Variants in CSNK1G1 observed in about 807,000 individuals in gnomAD.
CSNK1G1 encodes the protein casein kinase 1 gamma 1.
A neutral mutation model predicts 59.6 loss-of-function variants in CSNK1G1; 22 were observed. That is an observed-to-expected ratio of 0.37 (90% CI 0.26 to 0.53). The LOEUF (loss-of-function observed/expected upper bound fraction) is 0.53, where lower values mean the gene tolerates loss of function less well. Among genes scored for constraint, CSNK1G1 ranks in the 20% least tolerant of loss-of-function variants. The pLI is 0.89. For missense variants in CSNK1G1, 384 were observed against 519.5 expected (o/e 0.74, Z 2.54); for synonymous variants, 179 against 177.1 (o/e 1.01, Z -0.08).
At chr15:64,314,705 C>T (rs528732129) in intron 1 of CSNK1G1, among the ~76,000 whole-genome samples, 1 of 152,252 alleles carries the variant, frequency 6.6e-6, no homozygotes, top group South Asian at 2.1e-4. Context: ...TTAGATTCCA[C>T]ACATAAGTAA....
At chr15:64,277,263 G>C (rs1893683012) in intron 2 of CSNK1G1, among the ~76,000 whole-genome samples, 1 of 152,022 alleles carries the variant, frequency 6.6e-6, no homozygotes, top group Non-Finnish European at 1.5e-5. Flanking sequence ...CCAGGGGTTT[G>C]AGATCAGCCT....
At chr15:64,304,062 G>T (rs1293907309) in intron 1 of CSNK1G1, among the ~76,000 whole-genome samples, 2 of 152,058 alleles carry the variant, frequency 1.3e-5, no homozygotes, top group African/African-American at 4.8e-5. Context: ...TCTAATCTAT[G>T]CATGGGACAT....
intron 1 of CSNK1G1, among the ~76,000 whole-genome samples, chr15:64,327,735 G>A (rs1338917869): frequency 2.0e-5 from 3 of 148,968 alleles, no homozygotes; most frequent in South Asian, 4.3e-4. Flanking sequence ...TGAGCTACGG[G>A]AGGACATTCA....
chr15:64,275,362 T>C (rs1455299960), intron 2 of CSNK1G1, among the ~76,000 whole-genome samples: 1 of 152,088 alleles, frequency 6.6e-6, no homozygotes, highest in African/African-American at 2.4e-5. Context: ...GTGAGCAGTA[T>C]GATTAGGGGT....
rs2082151348 is a variant in CSNK1G1 at position 64,204,471 on chromosome 15, G to C, written c.969C>G (p.Asp323Glu). 1 of 1,608,524 alleles carries C rather than the reference G, an allele frequency of 6.2e-7. No homozygotes were observed. The highest frequency in any genetic ancestry group is 8.5e-7 in the Non-Finnish European group (1 of 1,177,690). The change falls in exon 9 of 12, where the codon GAC (aspartate) becomes GAG (glutamate). Residue 323 changes from aspartate to glutamate, a missense_variant. Asp to Glu is a conservative substitution (Grantham distance 45, BLOSUM62 2). This residue lies in a region of CSNK1G1 where 325 missense variants were observed against 440.9 expected (regional missense o/e 0.74). Coordinates refer to ENST00000303052, the MANE Select transcript of CSNK1G1 (RefSeq NM_022048.5). The stretch of plus-strand genomic sequence containing the variant: ...GTCTCCCAACCCAATCATAGGCATA[G>C]TCAAAGGTGTAGCCTTTCTTTTCAA... ...DLFEKKGYTF[D>E]YAYDWVGRPI...
At chr15:64,229,618 A>G (rs1472757076) in intron 4 of CSNK1G1, among the ~76,000 whole-genome samples, 1 of 151,978 alleles carries the variant, frequency 6.6e-6, no homozygotes, top group South Asian at 2.1e-4. Flanking sequence ...GAGAAAGCCT[A>G]TTTGAGAATG....
At chr15:64,184,751 G>A (rs2081867785) in intron 10 of CSNK1G1, among the ~76,000 whole-genome samples, 1 of 150,548 alleles carries the variant, frequency 6.6e-6, no homozygotes, top group African/African-American at 2.4e-5. Context: ...AAAATTAATC[G>A]CTCATTACTC....
chr15:64,280,333 A>T (rs1490263278), intron 2 of CSNK1G1, among the ~76,000 whole-genome samples: 1 of 151,848 alleles, frequency 6.6e-6, no homozygotes, highest in Non-Finnish European at 1.5e-5. Flanking sequence ...ATCGTCACTG[A>T]CCACCCAGGA....
intron 10 of CSNK1G1, among the ~76,000 whole-genome samples, chr15:64,201,268 T>C (rs1335556573): frequency 6.7e-5 from 7 of 105,042 alleles, no homozygotes; most frequent in African/African-American, 2.9e-4. Flanking sequence ...CAAGACACTG[T>C]CTCAAAAAAA....
intron 11 of CSNK1G1, among the ~76,000 whole-genome samples, chr15:64,172,678 C>A (rs971086229): frequency 1.3e-5 from 2 of 152,182 alleles, no homozygotes; most frequent in Non-Finnish European, 2.9e-5. Flanking sequence ...TCTCACTCCC[C>A]AGTTTAGGGA....
intron 1 of CSNK1G1, among the ~76,000 whole-genome samples, chr15:64,334,169 ACCACGC>A (rs1482457201): frequency 6.6e-6 from 1 of 152,200 alleles, no homozygotes; most frequent in Non-Finnish European, 1.5e-5. Context: ...TGCACTGACC[ACCACGC>A]CCAGCTAATT....
intron 2 of CSNK1G1, among the ~76,000 whole-genome samples, chr15:64,293,547 T>C (rs574128231): frequency 1.3e-5 from 2 of 152,270 alleles, no homozygotes; most frequent in South Asian, 2.1e-4. Context: ...TGTAACAAAA[T>C]TGCAAACGTA....
chr15:64,310,876 A>G (rs1317736877), intron 1 of CSNK1G1, among the ~76,000 whole-genome samples: 5 of 151,306 alleles, frequency 3.3e-5, no homozygotes, highest in African/African-American at 4.8e-5. Flanking sequence ...GTGGTGGCGC[A>G]TGCCTGTAAT....
In CSNK1G1 at chr15:64,182,053, G is replaced by GTTTTTTTTTTT. The variant is rs71447372; in HGVS notation, c.1108-1610_1108-1600dup. 4.0e-4 allele frequency: 33 copies of GTTTTTTTTTTT among 83,234 alleles called. 5 individuals carry two copies. Among genetic ancestry groups the GTTTTTTTTTTT allele is most frequent in the African/African-American group, 1.6e-3 (29 of 18,368 alleles). The allele number at this position is 83,234 out of a possible 1,614,324, so 5.2% of individuals were successfully genotyped here. A position where few individuals can be genotyped will look rare whatever the true frequency, so the allele number is the denominator to read the frequency against. On this transcript the variant is annotated intron_variant, in intron 10 of 11. Coordinates refer to ENST00000303052, the MANE Select transcript of CSNK1G1 (RefSeq NM_022048.5). ...TAATTATTGTTCTCATTAGTAACCCGTTTTTTTTTTTTTTTTTTTTTTTTT... is the reference window on the plus strand; with the variant it reads ...TAATTATTGTTCTCATTAGTAACCCGTTTTTTTTTTTTTTTTTTTTTTTTTTTTTTTTTTTT...
chr15:64,306,331 T>G (rs528187457), intron 1 of CSNK1G1, among the ~76,000 whole-genome samples: 1 of 152,218 alleles, frequency 6.6e-6, no homozygotes, highest in East Asian at 1.9e-4. Context: ...AGCAAAATAT[T>G]TGAATCAGAC....
At chr15:64,288,462 T>C (rs1894547822) in intron 2 of CSNK1G1, among the ~76,000 whole-genome samples, 1 of 152,134 alleles carries the variant, frequency 6.6e-6, no homozygotes, top group Non-Finnish European at 1.5e-5. Context: ...ACCACTTGCC[T>C]ATAGGATTCA....
intron 4 of CSNK1G1, among the ~76,000 whole-genome samples, chr15:64,250,086 T>C (rs527962427): frequency 2.2e-4 from 33 of 152,182 alleles, no homozygotes; most frequent in Non-Finnish European, 3.7e-4. Context: ...CTAGAATAAC[T>C]TAACAACATT....
Position 64,211,753 on chromosome 15 carries a change from T to C in CSNK1G1, c.679+2137A>G, listed in dbSNP as rs191694403. On this transcript the variant is annotated intron_variant, in intron 6 of 11. Coordinates refer to ENST00000303052, the MANE Select transcript of CSNK1G1 (RefSeq NM_022048.5). Reference sequence around the variant, plus strand: ...AGAAGGTTATTGGATCAAAATTACATAGCTATTAAGAAAGAGCGCCAGGAT... The same window carrying C: ...AGAAGGTTATTGGATCAAAATTACACAGCTATTAAGAAAGAGCGCCAGGAT... Among the ~76,000 whole-genome samples, 445 of 152,342 alleles carry C rather than the reference T, an allele frequency of 2.9e-3. 1 individual carries two copies. Among genetic ancestry groups the C allele is most frequent in the Middle Eastern group, 6.8e-3 (2 of 294 alleles).
In CSNK1G1 at chr15:64,222,438, A is replaced by AAC. The variant is rs1171213678; in HGVS notation, c.293-5726_293-5725insGT. Among the ~76,000 whole-genome samples, 68 of 112,422 alleles carry AAC rather than the reference A, an allele frequency of 6.0e-4. 1 individual carries two copies. The highest frequency in any genetic ancestry group is 7.4e-4 in the Admixed American group (9 of 12,102). The allele number at this position is 112,422 out of a possible 152,430, so 73.8% of individuals were successfully genotyped here. ...AAGAAATAACAACAACAACACCACC[A>AAC]AAAAAAAAAAAAAAAAAAAAAGAGG... is the stretch of plus-strand genomic sequence containing the variant. On this transcript the variant is annotated intron_variant, in intron 4 of 11. Transcript: ENST00000303052.
Sources: gnomAD v4.1 joint callset for allele counts (sites outside exome capture counted in the v4.1 genomes callset) on GRCh38, gnomAD v4.1.1 for gene constraint, gnomAD v4.1.1 regional missense constraint, MANE v1.5 for transcripts, NCBI Gene and HGNC (gene_info 2026-07-23, HGNC 2026-07-21) for gene names.